Variants in C12orf56 observed in about 807,000 individuals in gnomAD.
C12orf56 encodes the protein chromosome 12 open reading frame 56.
A neutral mutation model predicts 69.9 loss-of-function variants in C12orf56; 71 were observed. The observed-to-expected ratio is 1.02, with a 90% CI of 0.84 to 1.24. C12orf56 has a LOEUF of 1.24. Ranked by LOEUF, C12orf56 falls within the 50% of genes most tolerant of loss-of-function variation. C12orf56 has a pLI of 0.00. For synonymous variants in C12orf56, 276 were observed against 274.1 expected (o/e 1.01, Z -0.07); for missense variants, 732 against 738.5 (o/e 0.99, Z 0.10).
chr12:64,319,082 A>G, intron 3 of C12orf56, 102 bp from the exon 4 acceptor site: 1 of 1,137,520 alleles, frequency 8.8e-7, no homozygotes, highest in Non-Finnish European at 1.2e-6. Context: ...TTTCTCACAA[A>G]AGGAATGCTT....
At position 64,390,413 on chromosome 12, in the gene C12orf56, C is replaced by T; in HGVS notation, c.153G>A (p.Lys51=). The T allele has an allele frequency of 1.2e-6, 2 of 1,613,190 alleles. No homozygotes were observed. Among genetic ancestry groups the T allele is most frequent in the Non-Finnish European group, 1.7e-6 (2 of 1,179,748 alleles). Residue 51 remains lysine (K), a synonymous_variant, in exon 1 of 13, where the codon AAG becomes AAA. Coordinates refer to ENST00000543942, the MANE Select transcript of C12orf56 (RefSeq NM_001170633.2). The part of the protein sequence containing the change: ...VVSNSENHIL[K]YVVLSDRLVY... Reference sequence around the variant, plus strand: ...CGAGCCGGTCGCTTAGCACCACATACTTGAGGATGTGGTTCTCAGAGTTGG... The same window carrying T: ...CGAGCCGGTCGCTTAGCACCACATATTTGAGGATGTGGTTCTCAGAGTTGG...
intron 4 of C12orf56, among the ~76,000 whole-genome samples, chr12:64,314,285 G>A (rs866844598): frequency 3.9e-4 from 59 of 152,050 alleles, no homozygotes; most frequent in African/African-American, 1.3e-3. Flanking sequence ...TAGAGATGGC[G>A]TCTTGCTATG....
At chr12:64,368,290 C>A (rs927829363) in intron 1 of C12orf56, among the ~76,000 whole-genome samples, 8 of 152,124 alleles carry the variant, frequency 5.3e-5, no homozygotes, top group Non-Finnish European at 1.0e-4. Context: ...CTGTACTACA[C>A]AAACATGATT....
At chr12:64,365,831 AATAT>A (rs2039465038) in intron 1 of C12orf56, among the ~76,000 whole-genome samples, 1 of 139,356 alleles carries the variant, frequency 7.2e-6, no homozygotes, top group Non-Finnish European at 1.5e-5. Context: ...TATTATGTAT[AATAT>A]ATAGTGTATA....
At chr12:64,268,316 T>G (rs1206116714) in intron 12 of C12orf56, among the ~76,000 whole-genome samples, 1 of 152,208 alleles carries the variant, frequency 6.6e-6, no homozygotes, top group African/African-American at 2.4e-5. Flanking sequence ...ACTGTTGTCA[T>G]CTCACAAGTG....
At chr12:64,371,048 T>A (rs2039564017) in intron 1 of C12orf56, among the ~76,000 whole-genome samples, 1 of 151,918 alleles carries the variant, frequency 6.6e-6, no homozygotes, top group Non-Finnish European at 1.5e-5. Flanking sequence ...AACCCACACA[T>A]ATATGGTCAA....
chr12:64,384,500 C>T (rs570986111), intron 1 of C12orf56, among the ~76,000 whole-genome samples: 1 of 152,286 alleles, frequency 6.6e-6, no homozygotes, highest in African/African-American at 2.4e-5. Flanking sequence ...ATTTCAACCA[C>T]CTTGAAGGAG....
At chr12:64,284,202 G>C (rs1236140476) in intron 8 of C12orf56, among the ~76,000 whole-genome samples, 1 of 151,894 alleles carries the variant, frequency 6.6e-6, no homozygotes, top group Non-Finnish European at 1.5e-5. Context: ...CTGGCCTAGA[G>C]TGTCTTTATT....
At chr12:64,357,128 T>C (rs1592484185) in intron 1 of C12orf56, among the ~76,000 whole-genome samples, 1 of 149,792 alleles carries the variant, frequency 6.7e-6, no homozygotes, top group South Asian at 2.1e-4. Flanking sequence ...CACACAAAAA[T>C]GTGGTCTTTC....
At chr12:64,334,151 A>T (rs761999854) in intron 2 of C12orf56, among the ~76,000 whole-genome samples, 4 of 152,216 alleles carry the variant, frequency 2.6e-5, no homozygotes, top group Non-Finnish European at 5.9e-5. Context: ...CTACAAAAAT[A>T]ATACATCTGC....
chr12:64,320,657 G>A (rs1020947616), intron 3 of C12orf56, among the ~76,000 whole-genome samples: 1 of 152,118 alleles, frequency 6.6e-6, no homozygotes, highest in Non-Finnish European at 1.5e-5. Flanking sequence ...TGCAGAGTAT[G>A]GTGAGACCTA....
At chr12:64,318,060 G>GTT (rs112479211) in intron 4 of C12orf56, among the ~76,000 whole-genome samples, 2 of 152,028 alleles carry the variant, frequency 1.3e-5, no homozygotes, top group Non-Finnish European at 2.9e-5. Flanking sequence ...AACCCCAGGT[G>GTT]ATTTTTGTTT....
chr12:64,354,603 G>A (rs1015479415), intron 1 of C12orf56, among the ~76,000 whole-genome samples: 16 of 151,760 alleles, frequency 1.1e-4, no homozygotes, highest in African/African-American at 3.1e-4. Flanking sequence ...GATTACAAGC[G>A]CCTGCCACCA....
At chr12:64,279,526 T>C (rs968510935) in intron 8 of C12orf56, among the ~76,000 whole-genome samples, 29 of 152,288 alleles carry the variant, frequency 1.9e-4, no homozygotes, top group Middle Eastern at 3.4e-3. Flanking sequence ...TAAGCATTCC[T>C]TTCATAATGG....
chr12:64,373,934 A>G (rs2039606423), intron 1 of C12orf56, among the ~76,000 whole-genome samples: 1 of 152,190 alleles, frequency 6.6e-6, no homozygotes, highest in Non-Finnish European at 1.5e-5. Flanking sequence ...CATTGTACAT[A>G]AGCTTAGTCT....
intron 12 of C12orf56, chr12:64,267,823 A>G (rs2037935079): frequency 6.6e-6 from 1 of 152,264 alleles, no homozygotes; most frequent in African/African-American, 2.4e-5. Flanking sequence ...CAGCCCTGGT[A>G]CCACGCCAGA....
chr12:64,328,706 A>G (rs7488098), intron 3 of C12orf56, among the ~76,000 whole-genome samples: 1 of 15,112 alleles, frequency 6.6e-5, no homozygotes, highest in African/African-American at 2.2e-4. Context: ...AAAAAAAAAA[A>G]ATATATATAT....
In C12orf56 at chr12:64,318,599, T is replaced by C. The variant is rs2038720881; in HGVS notation, c.870A>G (p.Lys290=). The change falls in exon 4 of 13, where the codon AAA becomes AAG. Residue 290 remains lysine (K), a synonymous_variant. Transcript: ENST00000543942. The part of the protein sequence containing the change: ...STTSSIFLHL[K]SSWNNYIIKA... ...CTATAATATAATTGTTCCATGAACT[T>C]TTTAAGTGCAGAAATATTGATGAGG... The C allele has an allele frequency of 6.5e-7, 1 of 1,535,348 alleles. No individual in the cohort carries two copies. Among genetic ancestry groups the C allele is most frequent in the Admixed American group, 2.0e-5 (1 of 50,810 alleles).
rs529001289 is a variant in C12orf56 at position 64,390,544 on chromosome 12, C to G, written c.22G>C (p.Gly8Arg). The G allele has an allele frequency of 1.0e-4, 162 of 1,594,362 alleles. 1 individual carries two copies. In the Middle Eastern group the frequency reaches 1.9e-3, roughly 18 times the overall value. Residue 8 changes from glycine (G) to arginine (R), a missense_variant, in exon 1 of 13, where the codon GGC (glycine) becomes CGC (arginine). Coordinates refer to ENST00000543942, the MANE Select transcript of C12orf56 (RefSeq NM_001170633.2). MASPLPS[G>R]FPARRNSRLD... Reference sequence around the variant, plus strand: ...CGGCTGTTCCTGCGCGCGGGGAAGCCGGACGGCAAGGGGCTGGCCATGCCC... The same window carrying G: ...CGGCTGTTCCTGCGCGCGGGGAAGCGGGACGGCAAGGGGCTGGCCATGCCC...
Sources: gnomAD v4.1 joint callset for allele counts (sites outside exome capture counted in the v4.1 genomes callset) on GRCh38, gnomAD v4.1.1 for gene constraint, MANE v1.5 for transcripts, NCBI Gene and HGNC (gene_info 2026-07-23, HGNC 2026-07-21) for gene names.